Variants in GAR1 observed in about 807,000 individuals in gnomAD.
GAR1 encodes the protein GAR1 ribonucleoprotein.
A neutral mutation model predicts 29.3 loss-of-function variants in GAR1; 11 were observed. That is an observed-to-expected ratio of 0.38 (90% confidence interval 0.24 to 0.62). The LOEUF is 0.62. Among genes scored for constraint, GAR1 ranks in the 20% least tolerant of loss-of-function variants. The pLI, the probability that GAR1 is intolerant of heterozygous loss-of-function variation, is 0.62. For missense variants in GAR1, 237 were observed against 268.4 expected, an observed-to-expected ratio of 0.88 and a Z score of 0.82; for synonymous variants, 87 against 93.3, an observed-to-expected ratio of 0.93 and a Z score of 0.39.
chr4:109,818,039 C>T lies in GAR1; in HGVS notation c.318C>T (p.Asn106=). 4.4e-6 allele frequency: 7 copies of T among 1,606,986 alleles called. No individual in the cohort carries two copies. Among genetic ancestry groups the T allele is most frequent in the Non-Finnish European group, 5.9e-6 (7 of 1,176,676 alleles). Residue 106 remains asparagine, a synonymous_variant, in exon 3 of 7, where the codon AAC becomes AAT. Coordinates refer to ENST00000226796, the MANE Select transcript of GAR1 (RefSeq NM_018983.4). ...TCAATGCTCCTGTTTACTTAGAAAA[C>T]AAAGAACAAATTGGAAAAGTGGATG... The part of the protein sequence containing the change: ...PYFNAPVYLE[N]KEQIGKVDEI...
rs758891221 is a variant in GAR1, at chr4:109,823,968, G to A, written c.575G>A (p.Gly192Asp). Residue 192 changes from glycine to aspartate, a missense_variant, in exon 6 of 7, where the codon GGT becomes GAT. Physicochemically the swap from Gly to Asp is moderately conservative, Grantham distance 94. Transcript: ENST00000226796. ...TTATTTAATAAATGTTTTTTAGGTG[G>A]TTTTAGAGGTGGAAGAGGAGGTGGA... ...GGGRGGGRGG[G>D]FRGGRGGGGG... 3.1e-6 allele frequency: 5 copies of A among 1,596,106 alleles called. No homozygotes were observed. The highest frequency in any genetic ancestry group is 2.2e-5 in the East Asian group (1 of 44,602).
intron 4 of GAR1, among the ~76,000 whole-genome samples, chr4:109,820,980 AATT>A (rs71595519): frequency 0.47 from 71,713 of 151,696 alleles, 20,061 homozygotes; most frequent in Non-Finnish European, 0.64. Flanking sequence ...AATTTCTCAG[AATT>A]ATTTATTTGG....
At position 109,824,429 on chromosome 4, in the gene GAR1, T is replaced by G. The variant is rs1733598233; in HGVS notation, c.652T>G (p.Ter218GluextTer10). 1 of 1,591,332 alleles carries G rather than the reference T, an allele frequency of 6.3e-7. No homozygotes were observed. The highest frequency in any genetic ancestry group is 1.3e-5 in the African/African-American group (1 of 74,632). Reference protein sequence around the residue: ...RGGGFRGRGH* With the variant: ...RGGGFRGRGHE ...TTTCTCTTAATCAGGGAGAGGACAT[T>G]AAGTGAAACAGTTGACAGACATCAC... The change falls in exon 7 of 7, where the codon TAA becomes GAA. Residue 218 changes from the stop codon to glutamate, a stop_lost. Transcript: ENST00000226796.
At chr4:109,824,063 T>A (rs1733589179) in intron 6 of GAR1, 30 bp downstream of exon 6, 1 of 1,388,598 alleles carries the variant, frequency 7.2e-7, no homozygotes, top group Non-Finnish European at 1.0e-6. Flanking sequence ...TTTAAATTGC[T>A]TAATGTTTAA....
chr4:109,820,542 G>A (rs1166604004), intron 4 of GAR1, among the ~76,000 whole-genome samples: 1 of 152,014 alleles, frequency 6.6e-6, no homozygotes, highest in African/African-American at 2.4e-5. Context: ...CTAAAGGTCT[G>A]GTAGTGGAAA....
chr4:109,824,097 T>C (rs1733589761), intron 6 of GAR1, 64 bp downstream of exon 6: 1 of 1,102,072 alleles, frequency 9.1e-7, no homozygotes, highest in African/African-American at 1.6e-5. Context: ...TGGCATTTTC[T>C]GTTTTTACTT....
intron 4 of GAR1, among the ~76,000 whole-genome samples, chr4:109,822,119 C>G (rs1009031786): frequency 8.2e-5 from 11 of 134,670 alleles, no homozygotes; most frequent in Non-Finnish European, 1.2e-4. Context: ...ATGTAACAAA[C>G]CTGCACGTTC....
intron 5 of GAR1, 64 bp downstream of exon 5, chr4:109,822,552 T>C (rs1733543182): frequency 2.0e-6 from 3 of 1,529,804 alleles, no homozygotes; most frequent in African/African-American, 2.8e-5. Flanking sequence ...ATTCATACAA[T>C]ACAATTTAGC....
At chr4:109,818,435 TTCTC>T (rs998151805) in intron 3 of GAR1, among the ~76,000 whole-genome samples, 43 of 151,882 alleles carry the variant, frequency 2.8e-4, no homozygotes, top group Admixed American at 2.1e-3. Context: ...CTTCCTTCCT[TTCTC>T]TCTCTCTCTT....
rs780817216 is a variant in GAR1 at position 109,816,387 on chromosome 4, T to C, written c.214+9T>C. The C allele has an allele frequency of 6.2e-7, 1 of 1,612,408 alleles. No individual in the cohort carries two copies. The highest frequency in any genetic ancestry group is 1.7e-5 in the Admixed American group (1 of 60,008). On this transcript the variant is annotated intron_variant, in intron 2 of 6. Coordinates refer to ENST00000226796, the MANE Select transcript of GAR1 (RefSeq NM_018983.4). ...TCCAGAACGTGTAGTCTGTATGCAG[T>C]CTTCAGTATTTAGCTTATTTGAAGG...
chr4:109,823,466 C>T (rs141288303), intron 5 of GAR1, among the ~76,000 whole-genome samples: 94 of 152,056 alleles, frequency 6.2e-4, no homozygotes, highest in African/African-American at 2.2e-3. Context: ...TCAAAAAATT[C>T]ACAGCTGTCT....
At chr4:109,815,922 G>A (rs1733335857) in intron 1 of GAR1, 118 bp downstream of exon 1, 2 of 576,414 alleles carry the variant, frequency 3.5e-6, no homozygotes, top group African/African-American at 1.9e-5. Flanking sequence ...AGGGGGAGGA[G>A]ATACTAATCA....
At chr4:109,817,073 G>C (rs1294487738) in intron 2 of GAR1, among the ~76,000 whole-genome samples, 1 of 152,150 alleles carries the variant, frequency 6.6e-6, no homozygotes, top group Non-Finnish European at 1.5e-5. Flanking sequence ...GTCTAACTAA[G>C]AATGGCTTGG....
At chr4:109,819,233 T>G in intron 4 of GAR1, 173 bp downstream of exon 4, 1 of 640,048 alleles carries the variant, frequency 1.6e-6, no homozygotes, top group South Asian at 1.8e-5. Context: ...AAGTGATTTA[T>G]TTGATACAGC....
At chr4:109,819,104 GA>G (rs1425190868) in intron 4 of GAR1, 44 bp downstream of exon 4, 2 of 987,254 alleles carry the variant, frequency 2.0e-6, no homozygotes, top group Admixed American at 1.7e-5. Flanking sequence ...TTTTATAAGG[GA>G]ACGACCTATC....
chr4:109,823,425 T>G (rs1733571781), intron 5 of GAR1, among the ~76,000 whole-genome samples: 1 of 152,198 alleles, frequency 6.6e-6, no homozygotes, highest in Admixed American at 6.5e-5. Context: ...ATTCCCCTAT[T>G]CTCATGTTAT....
intron 5 of GAR1, 141 bp from the exon 6 acceptor site, chr4:109,823,824 T>G (rs1733581071): frequency 2.2e-6 from 1 of 460,648 alleles, no homozygotes; most frequent in Non-Finnish European, 3.8e-6. Flanking sequence ...TGAATCTATA[T>G]TTATTCATTA....
intron 6 of GAR1, 24 bp downstream of exon 6, chr4:109,824,057 A>G: frequency 6.9e-7 from 1 of 1,445,704 alleles, no homozygotes; most frequent in South Asian, 1.2e-5. Context: ...AAAGTCTTTA[A>G]ATTGCTTAAT....
chr4:109,818,086 A>G lies in GAR1; in HGVS notation c.365A>G (p.Asp122Gly). The G allele has an allele frequency of 6.3e-7, 1 of 1,594,902 alleles. No individual in the cohort carries two copies. Among genetic ancestry groups the G allele is most frequent in the Non-Finnish European group, 8.5e-7 (1 of 1,173,168 alleles). The change falls in exon 3 of 7, where the codon GAT (aspartate) becomes GGT (glycine). Residue 122 changes from aspartate (D) to glycine (G), a missense_variant. By Grantham distance (94) the Asp-to-Gly change is moderately conservative. Transcript: ENST00000226796. Reference protein sequence around the residue: ...KVDEIFGQLRDFYFSVKLSEN... With the variant: ...KVDEIFGQLRGFYFSVKLSEN... ...GATGAAATATTTGGACAACTCAGAG[A>G]TTTTGTATCCTTTTTCATTGGAAGG...
Sources: gnomAD v4.1 joint callset for allele counts (sites outside exome capture counted in the v4.1 genomes callset) on GRCh38, gnomAD v4.1.1 for gene constraint, MANE v1.5 for transcripts, NCBI Gene and HGNC (gene_info 2026-07-23, HGNC 2026-07-21) for gene names.